Variants in PDE4D observed in about 807,000 individuals in gnomAD.
The protein encoded by PDE4D is phosphodiesterase 4D.
A neutral mutation model predicts 87.4 loss-of-function variants in PDE4D; 24 were observed. The observed-to-expected ratio is 0.27, with a 90% CI of 0.20 to 0.39. The LOEUF (loss-of-function observed/expected upper bound fraction) is 0.39, where lower values mean the gene tolerates loss of function less well. PDE4D is among the 10% of genes least tolerant of loss of function. The pLI is 1.00. For missense variants in PDE4D, 714 were observed against 1,041.0 expected (o/e 0.69, Z 4.32); for synonymous variants, 384 against 383.2 (o/e 1.00, Z -0.02).
chr5:59,903,261 G>GGC lies in PDE4D; in HGVS notation c.272+85226_272+85227insGC, dbSNP rs1192710908. ...AGCAGGAATTAGTAATAACTAACAA[G>GGC]AACTCAGGACAGTTGCCTAAGGATT... On this transcript the variant is annotated intron_variant, in intron 3 of 16. Coordinates refer to the PDE4D transcript ENST00000502484. Among the ~76,000 whole-genome samples, 150 of 152,218 alleles carry GGC rather than the reference G, an allele frequency of 9.9e-4. 1 individual carries two copies. Among genetic ancestry groups the GGC allele is most frequent in the African/African-American group, 3.5e-3 (145 of 41,536 alleles).
intron 1 of PDE4D, among the ~76,000 whole-genome samples, chr5:60,513,034 TA>T (rs571449159): frequency 9.3e-4 from 141 of 151,982 alleles, no homozygotes; most frequent in African/African-American, 3.3e-3. Flanking sequence ...ACAAAGAAAG[TA>T]AAAAAGATTT....
chr5:58,993,959 TA>T (rs777940081), intron 6 of PDE4D, among the ~76,000 whole-genome samples: 1 of 152,310 alleles, frequency 6.6e-6, no homozygotes, highest in South Asian at 2.1e-4. Context: ...TTTCTTCAAT[TA>T]ATTTATCATT....
In PDE4D at chr5:60,038,271, G is replaced by C. The variant is rs113539052; in HGVS notation, c.43-49554C>G. Among the ~76,000 whole-genome samples, 1,135 of 152,292 alleles carry C rather than the reference G, an allele frequency of 7.5e-3. 12 individuals carry two copies. The highest frequency in any genetic ancestry group is 0.026 in the African/African-American group (1,079 of 41,564). ...TTACGGTTTTAGGTCTAATGTTTAA[G>C]TCTGTAATCCATCTTGAATTGATTT... On this transcript the variant is annotated intron_variant, in intron 2 of 16. Coordinates refer to the PDE4D transcript ENST00000502484.
At chr5:59,628,707 A>G (rs747429163) in intron 1 of PDE4D, among the ~76,000 whole-genome samples, 7 of 152,178 alleles carry the variant, frequency 4.6e-5, no homozygotes, top group Non-Finnish European at 8.8e-5. Context: ...AGAATAAGAA[A>G]ATAAATGATT....
intron 1 of PDE4D, among the ~76,000 whole-genome samples, chr5:59,713,475 TCAGA>T (rs1218982898): frequency 1.3e-5 from 2 of 152,164 alleles, no homozygotes; most frequent in Admixed American, 1.3e-4. Flanking sequence ...CGGCTCACAC[TCAGA>T]CAGTAAAGGC....
intron 1 of PDE4D, among the ~76,000 whole-genome samples, chr5:59,308,417 G>T (rs1771861326): frequency 6.6e-6 from 1 of 152,096 alleles, no homozygotes; most frequent in South Asian, 2.1e-4. Context: ...TTCTTGTAGT[G>T]GTGGCTTGGT....
chr5:59,351,040 T>C (rs922676288), intron 1 of PDE4D, among the ~76,000 whole-genome samples: 9 of 152,164 alleles, frequency 5.9e-5, no homozygotes, highest in African/African-American at 1.9e-4. Context: ...GAAAATGTAT[T>C]TCACAAAAGA....
chr5:59,725,612 T>C (rs16890139), intron 1 of PDE4D, among the ~76,000 whole-genome samples: 5,220 of 152,200 alleles, frequency 0.034, 300 homozygotes, highest in African/African-American at 0.12. Context: ...ATAAAGTTGA[T>C]TTATAGCCCT....
chr5:59,795,954 A>G (rs2152656567), intron 1 of PDE4D, among the ~76,000 whole-genome samples: 1 of 152,260 alleles, frequency 6.6e-6, no homozygotes, highest in South Asian at 2.1e-4. Context: ...AAGAGAGAAG[A>G]CGGCTATCCA....
rs553220669 is a variant in PDE4D, at chr5:60,088,677, C to T, written c.42+96880G>A. Among the ~76,000 whole-genome samples the T allele has an allele frequency of 2.4e-4, 37 of 151,196 alleles. No individual in the cohort carries two copies. The Middle Eastern group carries it at 0.014, about 56-fold the overall frequency. ...TTATAGATACACTAAAAATAAGTAG[C>T]CAGAAATCAACATGTCCTAATAGAG... On this transcript the variant is annotated intron_variant, in intron 2 of 16. Transcript: ENST00000502484.
chr5:59,212,804 T>C (rs1750363136), intron 2 of PDE4D, among the ~76,000 whole-genome samples: 1 of 152,030 alleles, frequency 6.6e-6, no homozygotes, highest in Non-Finnish European at 1.5e-5. Context: ...TTGCATTAGA[T>C]GACTTTCAAT....
chr5:59,269,301 T>C (rs572976799), intron 1 of PDE4D, among the ~76,000 whole-genome samples: 14 of 152,290 alleles, frequency 9.2e-5, no homozygotes, highest in Non-Finnish European at 1.5e-4. Context: ...CTATGCATCA[T>C]ACAGTGTTTA....
intron 1 of PDE4D, among the ~76,000 whole-genome samples, chr5:59,291,681 A>G (rs535443142): frequency 3.3e-5 from 5 of 152,022 alleles, no homozygotes; most frequent in Admixed American, 6.6e-5. Context: ...GTATTCCACA[A>G]ATATATACAC....
intron 1 of PDE4D, among the ~76,000 whole-genome samples, chr5:60,429,486 G>A (rs1487473076): frequency 6.6e-6 from 1 of 152,076 alleles, no homozygotes; most frequent in Admixed American, 6.5e-5. Context: ...GCTCTGGCTA[G>A]GACTTCCAAT....
chr5:59,357,010 AG>A (rs759830128), intron 1 of PDE4D: 78 of 836,772 alleles, frequency 9.3e-5, no homozygotes, highest in Non-Finnish European at 1.2e-4. Context: ...AGGCTGGCTG[AG>A]GCAGGGCTGG....
At chr5:59,244,749 T>C (rs1370498898) in intron 1 of PDE4D, among the ~76,000 whole-genome samples, 1 of 145,452 alleles carries the variant, frequency 6.9e-6, no homozygotes, top group Non-Finnish European at 1.5e-5. Flanking sequence ...TGATTTCATC[T>C]GGCACATAAT....
chr5:59,051,529 C>T (rs1254609649), intron 5 of PDE4D, among the ~76,000 whole-genome samples: 1 of 152,166 alleles, frequency 6.6e-6, no homozygotes, highest in Non-Finnish European at 1.5e-5. Context: ...ATGTTCCAAT[C>T]AATATTGTCC....
intron 1 of PDE4D, among the ~76,000 whole-genome samples, chr5:60,267,679 C>T (rs77496258): frequency 0.013 from 2,000 of 152,260 alleles, 63 homozygotes; most frequent in East Asian, 0.12. Flanking sequence ...TCCACAATTC[C>T]TCTGCTCAAT....
At chr5:60,468,137 C>CTTTTTTTTTTTTTTTTTTTTTTT (rs570783072) in intron 1 of PDE4D, among the ~76,000 whole-genome samples, 8 of 141,242 alleles carry the variant, frequency 5.7e-5, no homozygotes, top group South Asian at 4.6e-4. Flanking sequence ...TTTCTTTTTT[C>CTTTTTTTTTTTTTTTTTTTTTTT]TTTTTTTTTT....
Sources: allele counts gnomAD v4.1 joint callset (sites outside exome capture counted in the v4.1 genomes callset), GRCh38; gene constraint gnomAD v4.1.1; transcripts MANE v1.5; gene names NCBI Gene and HGNC (gene_info 2026-07-23, HGNC 2026-07-21).